PLEKHA2: variants seen among roughly 807,000 people sequenced by gnomAD.
PLEKHA2 encodes pleckstrin homology domain-containing family A member 2.
In PLEKHA2, 28 loss-of-function variants were observed where a neutral mutation model predicts 53.2. That is an observed-to-expected ratio of 0.53 (90% confidence interval 0.39 to 0.72). The LOEUF is 0.72. Among genes scored for constraint, PLEKHA2 ranks in the 30% least tolerant of loss-of-function variants. The pLI is 0.00. For missense variants in PLEKHA2, 426 were observed against 537.9 expected (o/e 0.79, Z 2.06); for synonymous variants, 193 against 196.4 (o/e 0.98, Z 0.14).
chr8:38,921,575 G>C (rs186115404), intron 2 of PLEKHA2, among the ~76,000 whole-genome samples: 1 of 152,368 alleles, frequency 6.6e-6, no homozygotes, highest in African/African-American at 2.4e-5. Flanking sequence ...CCTGGACGCT[G>C]TGCCTCGGGC....
chr8:38,937,844 C>T (rs28569015), intron 3 of PLEKHA2, among the ~76,000 whole-genome samples: 2,734 of 152,280 alleles, frequency 0.018, 94 homozygotes, highest in African/African-American at 0.062. Context: ...CTTAGGTATT[C>T]CTTCTTGGAG....
At chr8:38,946,092 A>G in intron 4 of PLEKHA2, 32 bp from the exon 5 acceptor site, 2 of 1,534,992 alleles carry the variant, frequency 1.3e-6, no homozygotes, top group African/African-American at 1.4e-5. Flanking sequence ...TGACCTAGGA[A>G]TGTCTTCCCT....
chr8:38,968,858 G>C (rs923305814), intron 11 of PLEKHA2, 189 bp downstream of exon 11: 2 of 562,580 alleles, frequency 3.6e-6, no homozygotes, highest in Non-Finnish European at 6.3e-6. Context: ...GTTTGGTTGT[G>C]GGAGGAGGTG....
chr8:38,915,839 T>A (rs1190635096), intron 1 of PLEKHA2, among the ~76,000 whole-genome samples: 3 of 152,160 alleles, frequency 2.0e-5, no homozygotes, highest in Non-Finnish European at 4.4e-5. Flanking sequence ...TTTTTTATGT[T>A]TAATTTTTGT....
At chr8:38,915,856 G>C (rs1040872538) in intron 1 of PLEKHA2, among the ~76,000 whole-genome samples, 1 of 152,128 alleles carries the variant, frequency 6.6e-6, no homozygotes, top group African/African-American at 2.4e-5. Context: ...TTGTGCGTAC[G>C]TAGTAGGTGT....
chr8:38,956,007 G>T (rs1006233581), intron 9 of PLEKHA2, among the ~76,000 whole-genome samples: 7 of 152,032 alleles, frequency 4.6e-5, no homozygotes, highest in Non-Finnish European at 1.0e-4. Flanking sequence ...AGAGAACAAG[G>T]TTCACCATGT....
chr8:38,923,984 T>C (rs1834238642), intron 2 of PLEKHA2, among the ~76,000 whole-genome samples: 1 of 152,134 alleles, frequency 6.6e-6, no homozygotes, highest in Non-Finnish European at 1.5e-5. Context: ...CCCAAGTAGC[T>C]GGGATTACAG....
Position 38,917,908 on chromosome 8 carries a change from G to A in PLEKHA2, c.-22G>A, listed in dbSNP as rs1475587447. The A allele has an allele frequency of 6.2e-7, 1 of 1,612,716 alleles. No individual in the cohort carries two copies. Among genetic ancestry groups the A allele is most frequent in the South Asian group, 1.1e-5 (1 of 91,056 alleles). On this transcript the variant is annotated splice_region_variant and 5_prime_UTR_variant, in exon 2 of 12. The change creates a new upstream start codon in the 5' untranslated region. Coordinates refer to ENST00000617275, the MANE Select transcript of PLEKHA2 (RefSeq NM_021623.2). ...TCAGCACCTCCCTCCTGCGCGCAGG[G>A]TGATGTGAGCAGAGCCCAGGAATGC...
intron 2 of PLEKHA2, among the ~76,000 whole-genome samples, chr8:38,935,587 T>A (rs945201438): frequency 1.3e-5 from 2 of 151,958 alleles, no homozygotes; most frequent in Non-Finnish European, 2.9e-5. Flanking sequence ...CCCAGCTAAT[T>A]TTTAAAATTT....
At chr8:38,937,365 C>T (rs1233505396) in intron 3 of PLEKHA2, among the ~76,000 whole-genome samples, 1 of 152,194 alleles carries the variant, frequency 6.6e-6, no homozygotes, top group Non-Finnish European at 1.5e-5. Context: ...GGCTTGTCCT[C>T]ATCTTGCTGA....
intron 10 of PLEKHA2, among the ~76,000 whole-genome samples, chr8:38,964,347 CATT>C (rs1434834551): frequency 6.6e-6 from 1 of 152,148 alleles, no homozygotes; most frequent in Non-Finnish European, 1.5e-5. Flanking sequence ...GGAGAGCAAA[CATT>C]ATCGCCTGAG....
At chr8:38,909,399 A>T (rs1244082348) in intron 1 of PLEKHA2, among the ~76,000 whole-genome samples, 2 of 152,174 alleles carry the variant, frequency 1.3e-5, no homozygotes, top group East Asian at 3.8e-4. Flanking sequence ...GTGTATAAGA[A>T]TCCTAGGAAC....
At chr8:38,951,033 A>T in intron 6 of PLEKHA2, 43 bp downstream of exon 6, 1 of 1,448,726 alleles carries the variant, frequency 6.9e-7, no homozygotes, top group Non-Finnish European at 9.2e-7. Context: ...GGGGGTGTGG[A>T]AGTGTCCATG....
At chr8:38,933,795 G>GAA (rs1834440046) in intron 2 of PLEKHA2, among the ~76,000 whole-genome samples, 1 of 70,560 alleles carries the variant, frequency 1.4e-5, no homozygotes, top group Admixed American at 1.4e-4. Flanking sequence ...AAAAAAAAAA[G>GAA]AAAAGAAAGA....
At chr8:38,921,599 C>T (rs899855673) in intron 2 of PLEKHA2, among the ~76,000 whole-genome samples, 4 of 152,256 alleles carry the variant, frequency 2.6e-5, no homozygotes, top group African/African-American at 9.6e-5. Context: ...CTTCTAAGCT[C>T]TCTGGGGTCA....
At chr8:38,948,040 C>A (rs977645305) in intron 5 of PLEKHA2, among the ~76,000 whole-genome samples, 1 of 149,076 alleles carries the variant, frequency 6.7e-6, no homozygotes, top group Non-Finnish European at 1.5e-5. Flanking sequence ...GAGCCGAGAT[C>A]GCGCCACTGC....
At chr8:38,951,977 T>C (rs955461500) in intron 6 of PLEKHA2, among the ~76,000 whole-genome samples, 189 bp from the exon 7 acceptor site, 1 of 152,264 alleles carries the variant, frequency 6.6e-6, no homozygotes, top group African/African-American at 2.4e-5. Flanking sequence ...CTAGAACTCC[T>C]GGGCTCAAGC....
chr8:38,926,281 C>A (rs986868576), intron 2 of PLEKHA2, among the ~76,000 whole-genome samples: 2 of 151,084 alleles, frequency 1.3e-5, no homozygotes, highest in Non-Finnish European at 2.9e-5. Context: ...ACGCAGAATC[C>A]TTTGGTAAAA....
intron 6 of PLEKHA2, 39 bp downstream of exon 6, chr8:38,951,029 G>C: frequency 1.3e-6 from 2 of 1,583,254 alleles, no homozygotes; most frequent in Non-Finnish European, 1.7e-6. Context: ...GAGTGGGGGT[G>C]TGGAAGTGTC....
Sources: gnomAD v4.1 joint callset for allele counts (sites outside exome capture counted in the v4.1 genomes callset) on GRCh38, gnomAD v4.1.1 for gene constraint, MANE v1.5 for transcripts, NCBI Gene and HGNC (gene_info 2026-07-23, HGNC 2026-07-21) for gene names.